Variants in CCDC57 observed in about 807,000 individuals in gnomAD.
CCDC57 encodes coiled-coil domain-containing protein 57.
In CCDC57, 118 loss-of-function variants were observed where a neutral mutation model predicts 118.9. That is an observed-to-expected ratio of 0.99 (90% CI 0.86 to 1.16). The LOEUF (loss-of-function observed/expected upper bound fraction) is 1.16, where lower values mean the gene tolerates loss of function less well. Ranked by LOEUF, CCDC57 falls within the 50% of genes most tolerant of loss-of-function variation. The pLI, the probability that CCDC57 is intolerant of heterozygous loss-of-function variation, is 0.00. For missense variants in CCDC57, 1,300 were observed against 1,320.7 expected, an observed-to-expected ratio of 0.98 and a Z score of 0.24; for synonymous variants, 527 against 532.9, an observed-to-expected ratio of 0.99 and a Z score of 0.15.
At position 82,134,152 on chromosome 17, in the gene CCDC57, C is replaced by T. The variant is rs757209124; in HGVS notation, c.2498G>A (p.Arg833Gln). The change falls in exon 17 of 20, where the codon CGG becomes CAG. Residue 833 changes from arginine (R) to glutamine (Q), a missense_variant. By Grantham distance (43) the Arg-to-Gln change is conservative. Transcript: ENST00000665763. ...CCTCCTGGGCTCCTCGCCTGGCTTC[C>T]GGGCCTCAGGGGCAGGAGGGAGGGC... 8 of 1,371,072 alleles carry T rather than the reference C, an allele frequency of 5.8e-6. No homozygotes were observed. In the African/African-American group the frequency reaches 6.1e-5, roughly 10 times the overall value. The allele number at this position is 1,371,072 out of a possible 1,614,324, so 84.9% of individuals were successfully genotyped here. A position where few individuals can be genotyped will look rare whatever the true frequency, so the allele number is the denominator to read the frequency against.
At chr17:82,169,031 C>T (rs1355569000) in intron 13 of CCDC57, among the ~76,000 whole-genome samples, 1 of 152,160 alleles carries the variant, frequency 6.6e-6, no homozygotes, top group African/African-American at 2.4e-5. Flanking sequence ...CAGCTATTAT[C>T]AACATCATAC....
intron 7 of CCDC57, among the ~76,000 whole-genome samples, chr17:82,189,161 G>A (rs547394148): frequency 6.6e-6 from 1 of 152,016 alleles, no homozygotes; most frequent in Non-Finnish European, 1.5e-5. Context: ...CCATTTACTC[G>A]GGAGGCTGAG....
intron 11 of CCDC57, 38 bp downstream of exon 10, chr17:82,178,436 T>C (rs1374657300): frequency 1.3e-6 from 2 of 1,560,900 alleles, no homozygotes; most frequent in Non-Finnish European, 1.7e-6. Flanking sequence ...ACCGCTGCTG[T>C]TGAGCAAAGT....
chr17:82,200,276 C>G (rs2048839484), intron 3 of CCDC57, among the ~76,000 whole-genome samples: 1 of 152,194 alleles, frequency 6.6e-6, no homozygotes, highest in African/African-American at 2.4e-5. Flanking sequence ...ACCCAGCGCA[C>G]TGACACGAAG....
rs572134695 is a variant in CCDC57 at position 82,118,230 on chromosome 17, G to T, written c.2899+9462C>A. 5.3e-5 allele frequency among the ~76,000 whole-genome samples: 8 copies of T among 152,316 alleles called. No homozygotes were observed. The highest frequency in any genetic ancestry group is 1.9e-4 in the African/African-American group (8 of 41,558). ...CTGGGGAGTCTGGAGGGGTGCAGGG[G>T]GACTGGGCAGTTGTGGCCTGGTGGG... On this transcript the variant is annotated intron_variant, in intron 19 of 19. Coordinates refer to ENST00000665763, the Ensembl canonical transcript of CCDC57. This position sits in a 1 kb window ranked among gnomAD's most constrained non-coding sequence, Gnocchi z 4.7.
chr17:82,116,979 A>C (rs2036001438), intron 19 of CCDC57, among the ~76,000 whole-genome samples: 1 of 152,208 alleles, frequency 6.6e-6, no homozygotes, highest in Non-Finnish European at 1.5e-5. Context: ...CCCCTTTGAA[A>C]AGGACAAAAA....
intron 19 of CCDC57, among the ~76,000 whole-genome samples, chr17:82,103,771 C>T (rs1477500366): frequency 6.6e-6 from 1 of 152,176 alleles, no homozygotes; most frequent in Non-Finnish European, 1.5e-5. Flanking sequence ...GCTGGGAGGA[C>T]CCTGGCTGTA....
chr17:82,139,664 G>A (rs1253992920), intron 16 of CCDC57, among the ~76,000 whole-genome samples: 1 of 116,560 alleles, frequency 8.6e-6, no homozygotes, highest in Non-Finnish European at 1.8e-5. Context: ...CCCCATCCAC[G>A]ATTTTTGTGT....
At chr17:82,211,298 C>G (rs566284883) in intron 1 of CCDC57, among the ~76,000 whole-genome samples, 45 of 152,184 alleles carry the variant, frequency 3.0e-4, no homozygotes, top group African/African-American at 1.1e-3. Context: ...TGCCCCCGAA[C>G]TGGGGGGCAT....
chr17:82,151,717 G>T (rs1243146172), exon 16 of CCDC57: 7 of 1,550,250 alleles, frequency 4.5e-6, no homozygotes, highest in Non-Finnish European at 6.1e-6. Context: ...CTGACCGGAG[G>T]TGCAGGAAAA....
chr17:82,111,252 T>C (rs553227814), intron 19 of CCDC57, among the ~76,000 whole-genome samples: 185 of 524 alleles, frequency 0.35, no homozygotes, highest in African/African-American at 0.42. Context: ...CCCGCCACCA[T>C]GCCCAAGCTA....
intron 19 of CCDC57, among the ~76,000 whole-genome samples, chr17:82,107,821 C>A (rs1310323487): frequency 6.6e-6 from 1 of 152,180 alleles, no homozygotes; most frequent in African/African-American, 2.4e-5. Context: ...CCTGCCTCAG[C>A]TGCTCTCAGC....
chr17:82,158,987 C>T (rs2043004865), intron 14 of CCDC57, among the ~76,000 whole-genome samples: 1 of 152,188 alleles, frequency 6.6e-6, no homozygotes, highest in Non-Finnish European at 1.5e-5. Flanking sequence ...TAATCCTCAG[C>T]CTCCTGAGTA....
intron 2 of CCDC57, among the ~76,000 whole-genome samples, chr17:82,207,112 G>A (rs960603564): frequency 6.6e-6 from 1 of 152,180 alleles, no homozygotes; most frequent in East Asian, 1.9e-4. Context: ...GGGAGGCTGA[G>A]GCTGGATCAC....
At chr17:82,146,712 G>T (rs1432280730) in intron 16 of CCDC57, among the ~76,000 whole-genome samples, 1 of 152,158 alleles carries the variant, frequency 6.6e-6, no homozygotes, top group Non-Finnish European at 1.5e-5. Flanking sequence ...CCTCCCTATG[G>T]ATGTGTGCAT....
chr17:82,198,681 A>T (rs1334567188), intron 3 of CCDC57, among the ~76,000 whole-genome samples: 1 of 151,790 alleles, frequency 6.6e-6, no homozygotes, highest in Non-Finnish European at 1.5e-5. Flanking sequence ...TAAAAAAAAA[A>T]CCTGACAACC....
intron 19 of CCDC57, among the ~76,000 whole-genome samples, chr17:82,105,394 G>C (rs964109321): frequency 6.6e-6 from 1 of 152,164 alleles, no homozygotes; most frequent in African/African-American, 2.4e-5. Flanking sequence ...AGTCTCTTGG[G>C]AACAAGGCTT....
chr17:82,180,956 G>C (rs1599220458), intron 9 of CCDC57, among the ~76,000 whole-genome samples: 2 of 152,346 alleles, frequency 1.3e-5, no homozygotes, highest in South Asian at 4.1e-4. Context: ...AGGCCCCTCA[G>C]AGAAGGTCCT....
chr17:82,107,594 G>T, intron 19 of CCDC57: 2 of 470,806 alleles, frequency 4.2e-6, no homozygotes, highest in South Asian at 3.1e-5. Flanking sequence ...GATGGAGTTG[G>T]TCTGCAGGTT....
Sources: gnomAD v4.1 joint callset for allele counts (sites outside exome capture counted in the v4.1 genomes callset) on GRCh38, gnomAD v4.1.1 for gene constraint, Gnocchi (gnomAD v3.1) non-coding constraint, MANE v1.5 for transcripts, NCBI Gene and HGNC (gene_info 2026-07-23, HGNC 2026-07-21) for gene names.